The following TAF3 variants were observed in gnomAD, a reference collection of about 807,000 sequenced individuals.
TAF3 encodes the protein TATA-box binding protein associated factor 3.
A neutral mutation model predicts 80.6 loss-of-function variants in TAF3; 7 were observed. That is an observed-to-expected ratio of 0.09 (90% CI 0.05 to 0.16). The LOEUF is 0.16. Among genes scored for constraint, TAF3 ranks in the 10% least tolerant of loss-of-function variants. The pLI, the probability that TAF3 is intolerant of heterozygous loss-of-function variation, is 1.00. For synonymous variants in TAF3, 444 were observed against 446.1 expected, an observed-to-expected ratio of 1.00 and a Z score of 0.06; for missense variants, 921 against 1,140.2, an observed-to-expected ratio of 0.81 and a Z score of 2.77.
At chr10:7,902,315 C>A (rs374578457) in intron 2 of TAF3, among the ~76,000 whole-genome samples, 2 of 151,718 alleles carry the variant, frequency 1.3e-5, no homozygotes, top group Non-Finnish European at 2.9e-5. Flanking sequence ...CCCAACTACT[C>A]GGGAGGCTGA....
chr10:7,888,014 G>T (rs954950287), intron 2 of TAF3, among the ~76,000 whole-genome samples: 9 of 152,066 alleles, frequency 5.9e-5, no homozygotes, highest in African/African-American at 2.2e-4. Flanking sequence ...CGCCATTGTG[G>T]TGAATGTCAC....
At chr10:7,844,831 T>G (rs925235364) in intron 2 of TAF3, among the ~76,000 whole-genome samples, 1 of 152,224 alleles carries the variant, frequency 6.6e-6, no homozygotes, top group Admixed American at 6.5e-5. Context: ...GTTTTCCTTG[T>G]TCCTGTGTAT....
chr10:8,010,146 A>G (rs1347122442), intron 5 of TAF3, among the ~76,000 whole-genome samples: 4 of 152,152 alleles, frequency 2.6e-5, no homozygotes, highest in African/African-American at 7.2e-5. Flanking sequence ...AGCTCCAGCA[A>G]TCCACCCATT....
At position 7,818,559 on chromosome 10, in the gene TAF3, C is replaced by G. The variant is rs1193527367; in HGVS notation, c.-151C>G. On this transcript the variant is annotated 5_prime_UTR_variant, in exon 1 of 7. Coordinates refer to ENST00000344293, the MANE Select transcript of TAF3 (RefSeq NM_031923.4). ...GGCTCTCAGGCTGGCGCGCTCCGTG[C>G]TGCTGGGGCTTTGAGGTGGTCGCCG... is the stretch of plus-strand genomic sequence containing the variant. The G allele has an allele frequency of 5.1e-6, 4 of 780,528 alleles. No homozygotes were observed. The highest frequency in any genetic ancestry group is 1.9e-6 in the Non-Finnish European group (1 of 531,044). The allele number at this position is 780,528 out of a possible 1,614,324, so 48.4% of individuals were successfully genotyped here.
chr10:7,908,678 A>C (rs932014684), intron 2 of TAF3, among the ~76,000 whole-genome samples: 5 of 152,260 alleles, frequency 3.3e-5, no homozygotes, highest in African/African-American at 1.2e-4. Context: ...CACAAAGCAC[A>C]TAATGAGGCA....
chr10:7,927,468 T>C (rs1253624648), intron 2 of TAF3, among the ~76,000 whole-genome samples: 3 of 152,360 alleles, frequency 2.0e-5, no homozygotes, highest in Non-Finnish European at 1.5e-5. Flanking sequence ...TCTGCCTCTC[T>C]TTTGTTCCCT....
At chr10:8,001,971 T>C (rs1428546380) in intron 4 of TAF3, among the ~76,000 whole-genome samples, 1 of 152,174 alleles carries the variant, frequency 6.6e-6, no homozygotes, top group Non-Finnish European at 1.5e-5. Flanking sequence ...ACAACCAAAT[T>C]CTTTGCAAGC....
At chr10:7,912,445 A>T (rs1837665352) in intron 2 of TAF3, among the ~76,000 whole-genome samples, 1 of 152,230 alleles carries the variant, frequency 6.6e-6, no homozygotes, top group Non-Finnish European at 1.5e-5. Flanking sequence ...GAATAGTGGA[A>T]AAGATAATAA....
intron 2 of TAF3, among the ~76,000 whole-genome samples, chr10:7,937,857 C>T (rs746453068): frequency 5.8e-4 from 89 of 152,168 alleles, no homozygotes; most frequent in African/African-American, 2.0e-3. Context: ...GTAGAAGTGT[C>T]GGCAAAGGAA....
At chr10:7,957,804 T>G (rs953956123) in intron 2 of TAF3, among the ~76,000 whole-genome samples, 1 of 147,866 alleles carries the variant, frequency 6.8e-6, no homozygotes, top group East Asian at 2.0e-4. Context: ...GCTCTCTCTC[T>G]CTCTCTCTCT....
At chr10:7,898,106 G>C (rs990642265) in intron 2 of TAF3, among the ~76,000 whole-genome samples, 4 of 151,820 alleles carry the variant, frequency 2.6e-5, no homozygotes, top group African/African-American at 9.7e-5. Flanking sequence ...CAACCCTTCT[G>C]TATCAACTGG....
At chr10:7,942,396 T>C (rs1837984312) in intron 2 of TAF3, among the ~76,000 whole-genome samples, 1 of 152,258 alleles carries the variant, frequency 6.6e-6, no homozygotes, top group Non-Finnish European at 1.5e-5. Flanking sequence ...CAGGTTTTTT[T>C]CAGCTGAAAA....
intron 4 of TAF3, among the ~76,000 whole-genome samples, chr10:7,997,326 T>G (rs1424489154): frequency 6.6e-6 from 1 of 152,258 alleles, no homozygotes; most frequent in African/African-American, 2.4e-5. Context: ...TATTCAGACT[T>G]TGATAATTTG....
chr10:8,012,095 T>A (rs1311959194), intron 5 of TAF3, among the ~76,000 whole-genome samples: 1 of 152,144 alleles, frequency 6.6e-6, no homozygotes, highest in African/African-American at 2.4e-5. Flanking sequence ...GAAGATCACC[T>A]GAGCCTACCG....
chr10:7,931,267 G>A (rs1327206355), intron 2 of TAF3, among the ~76,000 whole-genome samples: 5 of 152,036 alleles, frequency 3.3e-5, no homozygotes, highest in South Asian at 4.2e-4. Context: ...TGAAGTCACC[G>A]TGAAGTCAGG....
chr10:7,904,143 C>A (rs900933060), intron 2 of TAF3, among the ~76,000 whole-genome samples: 1 of 151,804 alleles, frequency 6.6e-6, no homozygotes, highest in Non-Finnish European at 1.5e-5. Flanking sequence ...CTGAATTCAG[C>A]GGCAGCGAGA....
chr10:7,946,998 G>A (rs1838031226), intron 2 of TAF3, among the ~76,000 whole-genome samples: 1 of 152,170 alleles, frequency 6.6e-6, no homozygotes, highest in South Asian at 2.1e-4. Context: ...CTGGCCTTAA[G>A]AGATCCTCTC....
In TAF3 at chr10:7,934,326, C is replaced by T. The variant is rs930227287; in HGVS notation, c.410-29594C>T. 1.4e-4 allele frequency among the ~76,000 whole-genome samples: 21 copies of T among 151,928 alleles called. 1 individual carries two copies. The South Asian group carries it at 2.3e-3, about 17-fold the overall frequency. ...GGCAGGAGTTTTTTCGTTAATGGCACGTAAAATAAGTGTGTCTTATAATTG... is the reference window on the plus strand; with the variant it reads ...GGCAGGAGTTTTTTCGTTAATGGCATGTAAAATAAGTGTGTCTTATAATTG... On this transcript the variant is annotated intron_variant, in intron 2 of 6. Coordinates refer to ENST00000344293, the MANE Select transcript of TAF3 (RefSeq NM_031923.4).
chr10:7,852,448 TTTGTTGCAGAAACTGCG>T (rs1050610146), intron 2 of TAF3, among the ~76,000 whole-genome samples: 1 of 152,238 alleles, frequency 6.6e-6, no homozygotes, highest in Non-Finnish European at 1.5e-5. Flanking sequence ...CATTTTCATA[TTTGTTGCAGAAACTGCG>T]TTGTTTGTCC....
Sources: gnomAD v4.1 joint callset for allele counts (sites outside exome capture counted in the v4.1 genomes callset) on GRCh38, gnomAD v4.1.1 for gene constraint, MANE v1.5 for transcripts, NCBI Gene and HGNC (gene_info 2026-07-23, HGNC 2026-07-21) for gene names.